Variants in AGGF1 observed in about 807,000 individuals in gnomAD.
AGGF1 encodes the protein angiogenic factor with G patch and FHA domains 1.
A neutral mutation model predicts 86.5 loss-of-function variants in AGGF1; 56 were observed. The observed-to-expected ratio is 0.65, with a 90% CI of 0.52 to 0.81. The LOEUF (loss-of-function observed/expected upper bound fraction) is 0.81, where lower values mean the gene tolerates loss of function less well. AGGF1 is among the 30% of genes least tolerant of loss of function. The probability of loss-of-function intolerance (pLI) is 0.00; values close to 1 mark genes in which losing one functional copy is unlikely to be tolerated. For synonymous variants in AGGF1, 313 were observed against 297.1 expected (o/e 1.05, Z -0.55); for missense variants, 816 against 850.9 (o/e 0.96, Z 0.51).
At chr5:77,045,119 T>G (rs1747220227) in intron 5 of AGGF1, among the ~76,000 whole-genome samples, 1 of 150,130 alleles carries the variant, frequency 6.7e-6, no homozygotes, top group Admixed American at 6.6e-5. Flanking sequence ...TTTTATAAAA[T>G]AACAGAAGAG....
At chr5:77,034,609 A>C (rs1746930223) in intron 2 of AGGF1, 89 bp downstream of exon 2, 3 of 915,114 alleles carry the variant, frequency 3.3e-6, no homozygotes, top group Non-Finnish European at 5.5e-6. Flanking sequence ...ATAAACAAAG[A>C]TCAAGGTAAA....
In AGGF1 at chr5:77,031,089, T is replaced by TA. The variant is rs894661109; in HGVS notation, c.210+116dup. 1.1e-4 allele frequency: 125 copies of TA among 1,122,952 alleles called. No homozygotes were observed. In the African/African-American group the frequency reaches 1.7e-3, roughly 16 times the overall value. 69.6% of individuals were successfully genotyped at this position (1,122,952 alleles called of 1,614,324 possible). On this transcript the variant is annotated intron_variant, in intron 1 of 13. Coordinates refer to ENST00000312916, the MANE Select transcript of AGGF1 (RefSeq NM_018046.5). ...GGGCTCAGAACTACTGTAGAGTACT[T>TA]AAAGTAAATAAGTAGAAGCTCAGCG...
chr5:77,034,552 C>G (rs964279189), intron 2 of AGGF1, 32 bp downstream of exon 2: 2 of 1,331,824 alleles, frequency 1.5e-6, no homozygotes, highest in Non-Finnish European at 2.2e-6. Flanking sequence ...TATGCTAACA[C>G]TGTTACATTC....
chr5:77,061,886 T>C (rs758636471), intron 13 of AGGF1, 84 bp downstream of exon 13: 15 of 1,319,146 alleles, frequency 1.1e-5, no homozygotes, highest in Non-Finnish European at 1.6e-5. Flanking sequence ...TTGCCTTAAG[T>C]GCTAAGAATA....
chr5:77,044,174 G>A (rs1343936683), intron 5 of AGGF1, among the ~76,000 whole-genome samples: 1 of 148,422 alleles, frequency 6.7e-6, no homozygotes, highest in Non-Finnish European at 1.5e-5. Context: ...TTCCCAGACA[G>A]GGTGGCGGCC....
At chr5:77,033,777 G>A (rs568659905) in intron 1 of AGGF1, among the ~76,000 whole-genome samples, 1 of 152,294 alleles carries the variant, frequency 6.6e-6, no homozygotes, top group Admixed American at 6.5e-5. Flanking sequence ...TGTATTGACT[G>A]AGGCAGCGTA....
In AGGF1 at chr5:77,052,688, T is replaced by C; in HGVS notation, c.1366-18T>C. Reference sequence around the variant, plus strand: ...GAAAAGTATAATAATTAATAATTGCTTGATTTCACTTTCTAAGTTTCATGC... The same window carrying C: ...GAAAAGTATAATAATTAATAATTGCCTGATTTCACTTTCTAAGTTTCATGC... On this transcript the variant is annotated intron_variant, in intron 8 of 13. Transcript: ENST00000312916. The C allele has an allele frequency of 3.2e-6, 5 of 1,566,264 alleles. No individual in the cohort carries two copies. The South Asian group carries it at 5.6e-5, about 17-fold the overall frequency.
At chr5:77,052,630 T>A in intron 8 of AGGF1, 76 bp from the exon 9 acceptor site, 2 of 1,010,486 alleles carry the variant, frequency 2.0e-6, no homozygotes, top group Non-Finnish European at 3.0e-6. Context: ...CAAGTTAACA[T>A]CATCATATCA....
chr5:77,051,749 G>A (rs1246256161), intron 8 of AGGF1, among the ~76,000 whole-genome samples: 1 of 152,086 alleles, frequency 6.6e-6, no homozygotes, highest in Non-Finnish European at 1.5e-5. Flanking sequence ...GGTACAAGAA[G>A]GTTTATAGTA....
chr5:77,033,013 C>T (rs1746900435), intron 1 of AGGF1, among the ~76,000 whole-genome samples: 1 of 152,182 alleles, frequency 6.6e-6, no homozygotes, highest in South Asian at 2.1e-4. Context: ...CAGAAGCGAA[C>T]AGAAGGTAAT....
chr5:77,031,011 G>C, intron 1 of AGGF1, 35 bp downstream of exon 1: 1 of 1,608,470 alleles, frequency 6.2e-7, no homozygotes, highest in Non-Finnish European at 8.5e-7. Flanking sequence ...GCCCCATCCA[G>C]CCCAGGCGAG....
At chr5:77,063,011 T>A in intron 13 of AGGF1, 41 bp from the exon 14 acceptor site, 3 of 1,606,838 alleles carry the variant, frequency 1.9e-6, no homozygotes, top group Non-Finnish European at 2.6e-6. Context: ...TCAATGTGTT[T>A]AGACTCTAAA....
intron 5 of AGGF1, among the ~76,000 whole-genome samples, chr5:77,045,677 G>A (rs1014749591): frequency 1.3e-5 from 2 of 152,150 alleles, no homozygotes; most frequent in Non-Finnish European, 2.9e-5. Flanking sequence ...CATGTCATAA[G>A]TAAAGCTAAT....
In AGGF1 at chr5:77,039,634, C is replaced by G. The variant is rs757432619; in HGVS notation, c.785C>G (p.Pro262Arg). 1 of 1,612,866 alleles carries G rather than the reference C, an allele frequency of 6.2e-7. No individual in the cohort carries two copies. Among genetic ancestry groups the G allele is most frequent in the South Asian group, 1.1e-5 (1 of 90,940 alleles). The change falls in exon 5 of 14, where the codon CCG becomes CGG. Residue 262 changes from proline to arginine, a missense_variant. Physicochemically the swap from Pro to Arg is moderately radical, Grantham distance 103. Transcript: ENST00000312916. ...TCTCGAGTAGATTTGCAACCTTATC[C>G]GACTTCTAGCACAAAACAAAGTAAA... ...FHSRVDLQPY[P>R]TSSTKQSKDK...
intron 1 of AGGF1, among the ~76,000 whole-genome samples, chr5:77,031,610 T>G (rs915718765): frequency 6.6e-6 from 1 of 152,158 alleles, no homozygotes; most frequent in African/African-American, 2.4e-5. Flanking sequence ...AAAAACAACC[T>G]TGGCTGGACG....
In AGGF1 at chr5:77,030,874, G is replaced by C; in HGVS notation, c.108G>C (p.Leu36=). Residue 36 remains leucine, a synonymous_variant, in exon 1 of 14, where the codon CTG becomes CTC. Transcript: ENST00000312916. ...AGGTGGAGAAGTTGGAACGTGAACT[G>C]CGGAGCTGCAAGCGGCAGGTGCGGG... The part of the protein sequence containing the change: ...RRKVEKLERE[L]RSCKRQVREI... 1.2e-6 allele frequency: 2 copies of C among 1,613,460 alleles called. No individual in the cohort carries two copies. Among genetic ancestry groups the C allele is most frequent in the Middle Eastern group, 3.3e-4 (2 of 6,062 alleles).
intron 1 of AGGF1, 96 bp from the exon 2 acceptor site, chr5:77,034,322 T>A: frequency 1.2e-6 from 1 of 801,818 alleles, no homozygotes; most frequent in Admixed American, 2.1e-5. Flanking sequence ...CTCTTGACAT[T>A]TCTCTAAAAC....
intron 12 of AGGF1, 131 bp downstream of exon 12, chr5:77,059,874 C>T: frequency 8.2e-7 from 1 of 1,217,682 alleles, no homozygotes; most frequent in Admixed American, 1.9e-5. Flanking sequence ...TGGAGTCTTG[C>T]TCCGTCGCCC....
At chr5:77,045,076 AAAAG>A (rs1239922573) in intron 5 of AGGF1, among the ~76,000 whole-genome samples, 48 of 152,200 alleles carry the variant, frequency 3.2e-4, no homozygotes, top group African/African-American at 6.5e-4. Flanking sequence ...AAAAAAAAAA[AAAAG>A]AAAGAAAGGT....
Sources: allele counts gnomAD v4.1 joint callset (sites outside exome capture counted in the v4.1 genomes callset), GRCh38; gene constraint gnomAD v4.1.1; transcripts MANE v1.5; gene names NCBI Gene and HGNC (gene_info 2026-07-23, HGNC 2026-07-21).